NRXN3: variants seen among roughly 807,000 people sequenced by gnomAD.
NRXN3 encodes the protein neurexin 3.
In NRXN3, 32 loss-of-function variants were observed where a neutral mutation model predicts 137.6. That is an observed-to-expected ratio of 0.23 (90% confidence interval 0.18 to 0.31). The LOEUF (loss-of-function observed/expected upper bound fraction) is 0.31. NRXN3 is among the 10% of genes least tolerant of loss of function. The pLI is 1.00. For synonymous variants in NRXN3, 798 were observed against 784.5 expected (o/e 1.02, Z -0.29); for missense variants, 1,574 against 2,062.5 (o/e 0.76, Z 4.59).
intron 1 of NRXN3, among the ~76,000 whole-genome samples, chr14:78,191,882 G>A (rs1203603224): frequency 2.0e-5 from 3 of 152,152 alleles, no homozygotes; most frequent in African/African-American, 7.2e-5. Context: ...TCTTTGAGCT[G>A]TGTGCCAACT....
chr14:79,752,894 G>A (rs1462889112), intron 19 of NRXN3, among the ~76,000 whole-genome samples: 1 of 151,868 alleles, frequency 6.6e-6, no homozygotes. Context: ...ACAACCCCAT[G>A]GAAAAGTGGG....
At chr14:79,822,929 G>A (rs992378979) in intron 20 of NRXN3, among the ~76,000 whole-genome samples, 2 of 152,208 alleles carry the variant, frequency 1.3e-5, no homozygotes, top group Non-Finnish European at 2.9e-5. Flanking sequence ...TCTAAGGACT[G>A]TGTGGAAAGA....
At chr14:78,471,323 CA>C (rs1567684732) in intron 4 of NRXN3, among the ~76,000 whole-genome samples, 58 of 89,020 alleles carry the variant, frequency 6.5e-4, no homozygotes, top group African/African-American at 2.2e-3. Context: ...CACACACACA[CA>C]CACACACACC....
At chr14:78,574,856 A>G (rs1205900003) in intron 4 of NRXN3, among the ~76,000 whole-genome samples, 7 of 152,220 alleles carry the variant, frequency 4.6e-5, no homozygotes, top group African/African-American at 1.7e-4. Flanking sequence ...CAAACCGCAC[A>G]AGAATTATTA....
rs149888706 is a variant in NRXN3, at chr14:78,303,322, G to A, written c.757+5462G>A. Among the ~76,000 whole-genome samples the A allele has an allele frequency of 3.5e-4, 53 of 152,214 alleles. No homozygotes were observed. The East Asian group carries it at 9.3e-3, about 27-fold the overall frequency. ...TACCTCTCTAACAATTTATATGGAA[G>A]TTAATTGGGACTTGGACCACTCCCC... On this transcript the variant is annotated intron_variant, in intron 4 of 20. Transcript: ENST00000335750.
intron 15 of NRXN3, among the ~76,000 whole-genome samples, chr14:79,442,256 G>A (rs1253409710): frequency 6.6e-6 from 1 of 152,168 alleles, no homozygotes; most frequent in South Asian, 2.1e-4. Context: ...TTAACAGCCT[G>A]TATGCTGGGC....
intron 4 of NRXN3, among the ~76,000 whole-genome samples, chr14:78,630,601 T>TC (rs1044630098): frequency 2.0e-5 from 3 of 150,702 alleles, no homozygotes; most frequent in African/African-American, 7.3e-5. Context: ...TTCTTTCTTT[T>TC]TTTTTTTTTT....
intron 2 of NRXN3, among the ~76,000 whole-genome samples, chr14:78,265,925 C>T (rs1324283523): frequency 6.6e-6 from 1 of 152,196 alleles, no homozygotes; most frequent in Non-Finnish European, 1.5e-5. Context: ...GAGTGCAAGA[C>T]CTGTGTCTGT....
chr14:79,092,565 C>A (rs2049414333), intron 15 of NRXN3, among the ~76,000 whole-genome samples: 1 of 152,158 alleles, frequency 6.6e-6, no homozygotes, highest in Non-Finnish European at 1.5e-5. Context: ...TCCTGGATAT[C>A]TCTCCCTGTC....
intron 10 of NRXN3, among the ~76,000 whole-genome samples, chr14:78,827,936 C>A (rs1373990843): frequency 6.6e-6 from 1 of 152,144 alleles, no homozygotes; most frequent in Non-Finnish European, 1.5e-5. Context: ...ATTGCCATTG[C>A]CTTTGAAGGC....
intron 1 of NRXN3, among the ~76,000 whole-genome samples, chr14:78,181,241 A>T (rs2059780299): frequency 6.6e-6 from 1 of 152,240 alleles, no homozygotes; most frequent in South Asian, 2.1e-4. Flanking sequence ...AGTTTTTACA[A>T]AACGGGTGTC....
At chr14:78,358,521 A>G (rs1223901290) in intron 4 of NRXN3, among the ~76,000 whole-genome samples, 2 of 152,166 alleles carry the variant, frequency 1.3e-5, no homozygotes, top group Non-Finnish European at 2.9e-5. Flanking sequence ...CAAGAACACT[A>G]AAAAGAGATT....
At chr14:79,695,800 G>T (rs968009036) in intron 18 of NRXN3, among the ~76,000 whole-genome samples, 4 of 151,960 alleles carry the variant, frequency 2.6e-5, no homozygotes, top group Non-Finnish European at 5.9e-5. Context: ...CACACTAAAT[G>T]AATTGCTGAG....
intron 10 of NRXN3, among the ~76,000 whole-genome samples, chr14:78,907,952 T>C (rs558174945): frequency 2.0e-5 from 3 of 152,220 alleles, no homozygotes; most frequent in East Asian, 3.9e-4. Context: ...TCCACCCATG[T>C]CCCTGCAAAA....
chr14:79,629,710 G>A (rs1567713669), intron 16 of NRXN3, among the ~76,000 whole-genome samples: 1 of 152,130 alleles, frequency 6.6e-6, no homozygotes, highest in Non-Finnish European at 1.5e-5. Flanking sequence ...ACATTCAAAG[G>A]TCTAAACAGG....
chr14:79,162,363 A>G (rs1338618797), intron 15 of NRXN3, among the ~76,000 whole-genome samples: 1 of 147,314 alleles, frequency 6.8e-6, no homozygotes, highest in Non-Finnish European at 1.5e-5. Flanking sequence ...TCATTGTTCA[A>G]TTACCACCTG....
intron 3 of NRXN3, chr14:78,279,811 A>G (rs1375833490): frequency 6.6e-6 from 1 of 152,208 alleles, no homozygotes; most frequent in East Asian, 1.9e-4. Flanking sequence ...TTTCTTTATT[A>G]GCAGCCTTCT....
At chr14:79,660,944 G>T (rs1443674253) in intron 16 of NRXN3, among the ~76,000 whole-genome samples, 1 of 152,002 alleles carries the variant, frequency 6.6e-6, no homozygotes, top group Non-Finnish European at 1.5e-5. Context: ...GCTTATTTAG[G>T]CATGAGGGTC....
chr14:79,245,576 G>A (rs1018469447), intron 15 of NRXN3, among the ~76,000 whole-genome samples: 1 of 152,040 alleles, frequency 6.6e-6, no homozygotes, highest in South Asian at 2.1e-4. Flanking sequence ...AAATTATCAC[G>A]TCTTAACTAT....
Sources: allele counts gnomAD v4.1 joint callset (sites outside exome capture counted in the v4.1 genomes callset), GRCh38; gene constraint gnomAD v4.1.1; transcripts MANE v1.5; gene names NCBI Gene and HGNC (gene_info 2026-07-23, HGNC 2026-07-21).